The following SPRYD7 variants were observed in gnomAD, a reference collection of about 807,000 sequenced individuals.
SPRYD7 encodes the protein SPRY domain containing 7.
A neutral mutation model predicts 23.8 loss-of-function variants in SPRYD7; 14 were observed. The observed-to-expected ratio is 0.59, with a 90% CI of 0.39 to 0.92. The LOEUF (loss-of-function observed/expected upper bound fraction) is 0.92, where lower values mean the gene tolerates loss of function less well. Among genes scored for constraint, SPRYD7 ranks in the 40% least tolerant of loss-of-function variants. SPRYD7 has a pLI of 0.00. For synonymous variants in SPRYD7, 75 were observed against 84.9 expected (o/e 0.88, Z 0.64); for missense variants, 194 against 241.7 (o/e 0.80, Z 1.31).
rs1955710521 is a variant in SPRYD7 at position 49,913,192 on chromosome 13, G to A, written c.*1871C>T. 6.6e-6 allele frequency: 1 copy of A among 152,086 alleles called. No homozygotes were observed. The highest frequency in any genetic ancestry group is 1.5e-5 in the Non-Finnish European group (1 of 68,066). The allele number at this position is 152,086 out of a possible 1,614,324, so 9.4% of individuals were successfully genotyped here. On this transcript the variant is annotated 3_prime_UTR_variant, in exon 5 of 5. Transcript: ENST00000361840. Reference sequence around the variant, plus strand: ...ATTCCAGCACTTTGGGAGGCTGAGGGAGGTGGATCATGAGGTCAGGAGTTT... The same window carrying A: ...ATTCCAGCACTTTGGGAGGCTGAGGAAGGTGGATCATGAGGTCAGGAGTTT...
intron 4 of SPRYD7, among the ~76,000 whole-genome samples, chr13:49,918,378 T>C (rs955789082): frequency 6.6e-6 from 1 of 151,336 alleles, no homozygotes; most frequent in African/African-American, 2.4e-5. Flanking sequence ...TATAGTAAAC[T>C]ACAACAAATG....
rs868649189 is a variant in SPRYD7, at chr13:49,925,297, C to T, written c.390+2622G>A. On this transcript the variant is annotated intron_variant, in intron 3 of 4. Coordinates refer to ENST00000361840, the MANE Select transcript of SPRYD7 (RefSeq NM_020456.4). ...GTCCCAGCTACTAGAGAGGCTGAGA[C>T]GGGAGAATCGCTTGAATCCAGGAGG... Among the ~76,000 whole-genome samples the T allele has an allele frequency of 2.3e-4, 35 of 152,050 alleles. No individual in the cohort carries two copies. In the South Asian group the frequency reaches 5.6e-3, roughly 24 times the overall value.
intron 3 of SPRYD7, among the ~76,000 whole-genome samples, chr13:49,923,998 T>C (rs921204836): frequency 2.8e-4 from 43 of 151,926 alleles, no homozygotes; most frequent in Non-Finnish European, 8.8e-5. Context: ...TTTTTTTTTT[T>C]TGAGGCAGAG....
Position 49,928,010 on chromosome 13 carries a change from A to G in SPRYD7, c.299T>C (p.Leu100Pro), listed in dbSNP as rs761883232. 5 of 1,614,216 alleles carry G rather than the reference A, an allele frequency of 3.1e-6. No individual in the cohort carries two copies. Among genetic ancestry groups the G allele is most frequent in the Non-Finnish European group, 4.2e-6 (5 of 1,180,030 alleles). ...AAGGGCTCCATCATTTCTCATCACCAGACTGTGCATATCTCGGCCAAGAGG... is the reference window on the plus strand; with the variant it reads ...AAGGGCTCCATCATTTCTCATCACCGGACTGTGCATATCTCGGCCAAGAGG... ...QIPLGRDMHS[L>P]VMRNDGALYH... Residue 100 changes from leucine (L) to proline (P), a missense_variant, in exon 3 of 5, where the codon CTG (leucine) becomes CCG (proline). Leu to Pro is a moderately conservative substitution (Grantham distance 98). Coordinates refer to ENST00000361840, the MANE Select transcript of SPRYD7 (RefSeq NM_020456.4).
chr13:49,931,459 C>T (rs184807068), intron 1 of SPRYD7, among the ~76,000 whole-genome samples: 3 of 152,234 alleles, frequency 2.0e-5, no homozygotes, highest in East Asian at 3.9e-4. Context: ...GGATTACAGG[C>T]GTGAAGCACC....
At position 49,914,935 on chromosome 13, in the gene SPRYD7, G is replaced by A; in HGVS notation, c.*128C>T. 2 of 469,352 alleles carry A rather than the reference G, an allele frequency of 4.3e-6. No individual in the cohort carries two copies. The highest frequency in any genetic ancestry group is 4.6e-5 in the South Asian group (1 of 21,906). The allele number at this position is 469,352 out of a possible 1,614,324, so 29.1% of individuals were successfully genotyped here. On this transcript the variant is annotated 3_prime_UTR_variant, in exon 5 of 5. Transcript: ENST00000361840. ...TTCAGGGTGGTATACTGAATACATT[G>A]GTTCCTTAGACAGCATCAACAAGCA... is the stretch of plus-strand genomic sequence containing the variant.
At chr13:49,922,210 A>C (rs1393982443) in intron 3 of SPRYD7, among the ~76,000 whole-genome samples, 1 of 151,582 alleles carries the variant, frequency 6.6e-6, no homozygotes, top group Non-Finnish European at 1.5e-5. Flanking sequence ...AAACAATGTA[A>C]TAAAATTACT....
intron 4 of SPRYD7, among the ~76,000 whole-genome samples, chr13:49,916,939 T>C (rs1056667062): frequency 1.3e-5 from 2 of 152,280 alleles, no homozygotes; most frequent in South Asian, 4.2e-4. Flanking sequence ...TGGAGTTCAC[T>C]TGTGATTGCC....
At chr13:49,928,552 A>T (rs112673593) in intron 2 of SPRYD7, among the ~76,000 whole-genome samples, 7 of 152,388 alleles carry the variant, frequency 4.6e-5, no homozygotes, top group African/African-American at 1.7e-4. Context: ...AATGAGGATT[A>T]AATCTTGACT....
chr13:49,919,459 G>A (rs1955791817), intron 4 of SPRYD7, among the ~76,000 whole-genome samples: 2 of 151,998 alleles, frequency 1.3e-5, no homozygotes, highest in Admixed American at 6.6e-5. Flanking sequence ...CAGGAGAATC[G>A]CTTGAACCTG....
At chr13:49,921,267 TGAA>T (rs1186749452) in intron 4 of SPRYD7, among the ~76,000 whole-genome samples, 1 of 152,188 alleles carries the variant, frequency 6.6e-6, no homozygotes, top group Non-Finnish European at 1.5e-5. Context: ...TATTGCCATG[TGAA>T]GAAGGATGTG....
chr13:49,929,986 C>T (rs540340107), intron 2 of SPRYD7, among the ~76,000 whole-genome samples: 19 of 151,726 alleles, frequency 1.3e-4, no homozygotes, highest in Non-Finnish European at 2.6e-4. Context: ...GATGGGGTTT[C>T]GCCATGTTGG....
At chr13:49,923,980 A>C (rs1260899660) in intron 3 of SPRYD7, among the ~76,000 whole-genome samples, 1 of 150,596 alleles carries the variant, frequency 6.6e-6, no homozygotes, top group Admixed American at 6.6e-5. Flanking sequence ...TTTTGAGACA[A>C]GGTCTTTTTT....
intron 4 of SPRYD7, among the ~76,000 whole-genome samples, chr13:49,919,473 G>A (rs985582142): frequency 6.6e-6 from 1 of 152,134 alleles, no homozygotes; most frequent in Admixed American, 6.5e-5. Context: ...GAACCTGGGA[G>A]GCGGAGGTTT....
intron 2 of SPRYD7, among the ~76,000 whole-genome samples, chr13:49,930,334 C>T (rs1185025120): frequency 2.0e-5 from 3 of 151,942 alleles, no homozygotes; most frequent in African/African-American, 7.2e-5. Flanking sequence ...GTAATCCCAA[C>T]ACTTTGGGAG....
intron 3 of SPRYD7, 78 bp downstream of exon 3, chr13:49,927,841 C>T: frequency 1.3e-6 from 2 of 1,492,614 alleles, no homozygotes; most frequent in South Asian, 2.5e-5. Flanking sequence ...CCACAAACTC[C>T]CAGACAAAGC....
chr13:49,919,542 CA>C (rs577869174), intron 4 of SPRYD7, among the ~76,000 whole-genome samples: 5 of 149,896 alleles, frequency 3.3e-5, no homozygotes, highest in Non-Finnish European at 7.4e-5. Flanking sequence ...GACTCTGTCT[CA>C]AAAAAAACAA....
intron 4 of SPRYD7, among the ~76,000 whole-genome samples, chr13:49,918,403 C>CTTTTT (rs11436488): frequency 5.6e-5 from 8 of 143,090 alleles, no homozygotes; most frequent in African/African-American, 1.6e-4. Flanking sequence ...TAAATTAGTT[C>CTTTTT]TTTTTTTTTT....
chr13:49,922,696 T>G (rs979051312), intron 3 of SPRYD7, among the ~76,000 whole-genome samples: 1 of 152,138 alleles, frequency 6.6e-6, no homozygotes, highest in African/African-American at 2.4e-5. Context: ...ATCTTTCCCT[T>G]GAAAGACAGC....
Sources: gnomAD v4.1 joint callset for allele counts (sites outside exome capture counted in the v4.1 genomes callset) on GRCh38, gnomAD v4.1.1 for gene constraint, MANE v1.5 for transcripts, NCBI Gene and HGNC (gene_info 2026-07-23, HGNC 2026-07-21) for gene names.